Variants in COPS7B observed in about 807,000 individuals in gnomAD.
COPS7B encodes the protein COP9 signalosome subunit 7B, also known as COP9 signalosome complex subunit 7b.
Under a neutral mutation model 33.4 loss-of-function variants are expected in COPS7B, and 9 were observed. The ratio of observed to expected loss-of-function variants is 0.27; its 90% CI spans 0.16 to 0.47. The LOEUF (loss-of-function observed/expected upper bound fraction) is 0.47. Among genes scored for constraint, COPS7B ranks in the 20% least tolerant of loss-of-function variants. COPS7B has a pLI of 0.99. For missense variants in COPS7B, 242 were observed against 318.2 expected (o/e 0.76, Z 1.82); for synonymous variants, 119 against 126.3 (o/e 0.94, Z 0.39).
upstream of COPS7B, chr2:231,781,999 T>G: frequency 1.1e-6 from 1 of 950,730 alleles, no homozygotes; most frequent in Non-Finnish European, 1.6e-6. Context: ...TATTTCAGGG[T>G]TTTTTGCTGT....
intron 2 of COPS7B, chr2:231,789,671 C>G (rs2049354772): frequency 6.6e-6 from 1 of 152,346 alleles, no homozygotes; most frequent in Admixed American, 6.6e-5. Flanking sequence ...AGGTGGTTTG[C>G]TTTTGTTGGG....
At chr2:231,799,045 G>A (rs745848789) in intron 6 of COPS7B, 81 bp downstream of exon 6, 33 of 1,277,794 alleles carry the variant, frequency 2.6e-5, no homozygotes, top group Admixed American at 4.0e-5. Context: ...TTTGTTTTGC[G>A]AATCTTGGTG....
chr2:231,790,357 T>C (rs2049376773), intron 2 of COPS7B: 2 of 152,178 alleles, frequency 1.3e-5, no homozygotes, highest in African/African-American at 4.8e-5. Flanking sequence ...GTTTTGTTAA[T>C]TATGTTTCTG....
upstream of COPS7B, chr2:231,781,795 G>A: frequency 6.5e-7 from 1 of 1,547,138 alleles, no homozygotes; most frequent in Non-Finnish European, 8.7e-7. Flanking sequence ...GAAACCCAAC[G>A]GGAAGACCCT....
At chr2:231,798,032 C>T (rs981080234) in intron 5 of COPS7B, among the ~76,000 whole-genome samples, 3 of 151,780 alleles carry the variant, frequency 2.0e-5, no homozygotes, top group Non-Finnish European at 4.4e-5. Context: ...GGATTACAGG[C>T]GTGTGCCACC....
At chr2:231,797,104 C>T (rs757830986) in intron 5 of COPS7B, among the ~76,000 whole-genome samples, 8 of 152,136 alleles carry the variant, frequency 5.3e-5, no homozygotes, top group Non-Finnish European at 8.8e-5. Context: ...GAGTGTGTTC[C>T]CAGGCAGGCA....
chr2:231,788,766 C>G (rs1159570247), intron 2 of COPS7B, 34 bp downstream of exon 2: 5 of 1,586,484 alleles, frequency 3.2e-6, no homozygotes, highest in South Asian at 2.2e-5. Flanking sequence ...TCTCTTTATT[C>G]TAAGACTCTG....
At chr2:231,781,677 C>G (rs1035118918), upstream of COPS7B, 18 of 632,824 alleles carry the variant, frequency 2.8e-5, no homozygotes, top group Middle Eastern at 3.3e-4. Flanking sequence ...CAAATCCCAG[C>G]ATCCCCTGCA....
chr2:231,804,961 G>A (rs2049849796), intron 6 of COPS7B, among the ~76,000 whole-genome samples: 1 of 152,050 alleles, frequency 6.6e-6, no homozygotes, highest in African/African-American at 2.4e-5. Flanking sequence ...ATATCAAATT[G>A]GAGAAGCCTT....
In COPS7B at chr2:231,800,429, A is replaced by G. The variant is rs77133213; in HGVS notation, c.636+1465A>G. ...TTCTCCTTTCTGTTTATTCTTCCCT[A>G]TAAATCAAACTCTGTACAAAATGAG... is the stretch of plus-strand genomic sequence containing the variant. On this transcript the variant is annotated intron_variant, in intron 6 of 6. Coordinates refer to ENST00000350033, the MANE Select transcript of COPS7B (RefSeq NM_022730.4). Among the ~76,000 whole-genome samples the G allele has an allele frequency of 4.0e-4, 61 of 152,364 alleles. No individual in the cohort carries two copies. In the East Asian group the frequency reaches 7.1e-3, roughly 18 times the overall value.
In COPS7B at chr2:231,791,003, G is replaced by T. The variant is rs541178940; in HGVS notation, c.163-730G>T. The T allele has an allele frequency of 2.1e-4, 32 of 154,488 alleles. No homozygotes were observed. The South Asian group carries it at 6.1e-3, about 29-fold the overall frequency. The allele number at this position is 154,488 out of a possible 1,614,324, so 9.6% of individuals were successfully genotyped here. A position where few individuals can be genotyped will look rare whatever the true frequency, so the allele number is the denominator to read the frequency against. ...TCCACCCGCCTCGGCCTCCCAAAGT[G>T]CTGGGATTACAGGCGTGAGCCACCG... is the stretch of plus-strand genomic sequence containing the variant. On this transcript the variant is annotated intron_variant, in intron 2 of 6. Coordinates refer to ENST00000350033, the MANE Select transcript of COPS7B (RefSeq NM_022730.4).
rs1243187823 is a variant in COPS7B at position 231,808,567 on chromosome 2, C to T, written c.*922C>T. 4.2e-6 allele frequency: 2 copies of T among 470,698 alleles called. No homozygotes were observed. Among genetic ancestry groups the T allele is most frequent in the Non-Finnish European group, 8.8e-6 (2 of 226,886 alleles). 29.2% of individuals were successfully genotyped at this position (470,698 alleles called of 1,614,324 possible). ...TGCTGCTTCTGTCTTTTCACCCCTC[C>T]TTGGCTGATGACCCAGAGCCCTCTG... On this transcript the variant is annotated 3_prime_UTR_variant, in exon 7 of 7. Transcript: ENST00000350033.
intron 6 of COPS7B, among the ~76,000 whole-genome samples, chr2:231,802,015 TC>T (rs1311466011): frequency 6.6e-6 from 1 of 152,156 alleles, no homozygotes; most frequent in Non-Finnish European, 1.5e-5. Context: ...CCTCAAGTGA[TC>T]CGCCTGCCTC....
chr2:231,805,070 G>C (rs2049852481), intron 6 of COPS7B, among the ~76,000 whole-genome samples: 1 of 152,178 alleles, frequency 6.6e-6, no homozygotes, highest in Non-Finnish European at 1.5e-5. Flanking sequence ...ATGATAGTAT[G>C]TGTCTGTAGT....
chr2:231,786,022 G>C (rs2049230350), upstream of COPS7B: 1 of 152,148 alleles, frequency 6.6e-6, no homozygotes, highest in South Asian at 2.1e-4. Context: ...ACAAGCCACA[G>C]TTATGAGAAT....
intron 6 of COPS7B, chr2:231,801,291 T>C: frequency 6.5e-7 from 1 of 1,533,332 alleles, no homozygotes; most frequent in South Asian, 1.2e-5. Context: ...CCATTTAGGC[T>C]TTTGTGGAAA....
chr2:231,794,371 C>A lies in COPS7B; in HGVS notation c.327+20C>A. On this transcript the variant is annotated intron_variant, in intron 4 of 6. Transcript: ENST00000350033. Reference sequence around the variant, plus strand: ...ATGAAGGTACGGTACTGAGCCTTCTCTTGTCTTCCTCCTTACCCCAAGTCA... The same window carrying A: ...ATGAAGGTACGGTACTGAGCCTTCTATTGTCTTCCTCCTTACCCCAAGTCA... The A allele has an allele frequency of 6.3e-7, 1 of 1,593,206 alleles. No individual in the cohort carries two copies. The highest frequency in any genetic ancestry group is 1.1e-5 in the South Asian group (1 of 90,344).
intron 6 of COPS7B, chr2:231,801,057 G>T: frequency 9.4e-7 from 1 of 1,064,508 alleles, no homozygotes; most frequent in Non-Finnish European, 1.4e-6. Context: ...TTGTATTTAT[G>T]CCTCTGTTAC....
chr2:231,787,125 A>C (rs2049273044), intron 1 of COPS7B, among the ~76,000 whole-genome samples: 5 of 147,246 alleles, frequency 3.4e-5, no homozygotes, highest in Admixed American at 6.7e-5. Flanking sequence ...TTTCTTCCCT[A>C]CTCCTTTCCT....
Sources: allele counts gnomAD v4.1 joint callset (sites outside exome capture counted in the v4.1 genomes callset), GRCh38; gene constraint gnomAD v4.1.1; transcripts MANE v1.5; gene names NCBI Gene and HGNC (gene_info 2026-07-23, HGNC 2026-07-21).